RGS7: variants seen among roughly 807,000 people sequenced by gnomAD.
RGS7 encodes the protein regulator of G-protein signaling 7.
Under a neutral mutation model 81.1 loss-of-function variants are expected in RGS7, and 27 were observed. The observed-to-expected ratio is 0.33, with a 90% confidence interval of 0.25 to 0.46. The LOEUF is 0.46. RGS7 is among the 20% of genes least tolerant of loss of function. The probability of loss-of-function intolerance (pLI) is 1.00; values close to 1 mark genes in which losing one functional copy is unlikely to be tolerated. For missense variants in RGS7, 396 were observed against 607.4 expected (o/e 0.65, Z 3.66); for synonymous variants, 208 against 207.7 (o/e 1.00, Z -0.01).
At chr1:241,171,978 A>C (rs902177370) in intron 2 of RGS7, among the ~76,000 whole-genome samples, 1 of 152,230 alleles carries the variant, frequency 6.6e-6, no homozygotes, top group African/African-American at 2.4e-5. Context: ...TCTTCTTAAA[A>C]AATTCCACTT....
chr1:240,937,940 T>C (rs74499834), intron 4 of RGS7, among the ~76,000 whole-genome samples: 2,694 of 152,316 alleles, frequency 0.018, 80 homozygotes, highest in African/African-American at 0.06. Context: ...CTCATACTGT[T>C]TATAGCTGCC....
chr1:241,308,623 C>T (rs2080315944), intron 2 of RGS7, among the ~76,000 whole-genome samples: 1 of 152,150 alleles, frequency 6.6e-6, no homozygotes, highest in Admixed American at 6.6e-5. Context: ...CTGTCATGGC[C>T]TGGATACAAG....
intron 10 of RGS7, among the ~76,000 whole-genome samples, chr1:240,816,784 G>T (rs952681990): frequency 2.0e-5 from 3 of 152,110 alleles, no homozygotes; most frequent in African/African-American, 7.2e-5. Context: ...AATAGAATAG[G>T]AATGCAATAA....
chr1:241,099,003 A>C (rs897133471), intron 2 of RGS7, among the ~76,000 whole-genome samples: 4 of 152,196 alleles, frequency 2.6e-5, no homozygotes, highest in Admixed American at 2.0e-4. Flanking sequence ...TGCTTTGAAT[A>C]TTGCCTTTCT....
rs1397064640 is a variant in RGS7, at chr1:240,939,656, T to C, written c.227-2950A>G. Reference sequence around the variant, plus strand: ...AATTGTAGTTTCAGAAAGGGCTAGCTGGCCTATCTCTTCCTATATGCAGCA... The same window carrying C: ...AATTGTAGTTTCAGAAAGGGCTAGCCGGCCTATCTCTTCCTATATGCAGCA... On this transcript the variant is annotated intron_variant, in intron 4 of 18. Transcript: ENST00000440928. 2.0e-5 allele frequency among the ~76,000 whole-genome samples: 3 copies of C among 152,202 alleles called. No homozygotes were observed. In the East Asian group the frequency reaches 5.8e-4, roughly 29 times the overall value.
intron 2 of RGS7, among the ~76,000 whole-genome samples, chr1:241,273,790 A>C (rs2078052113): frequency 6.6e-6 from 1 of 152,182 alleles, no homozygotes; most frequent in African/African-American, 2.4e-5. Flanking sequence ...TCCTTAAAAA[A>C]AGTCCCTCAT....
intron 18 of RGS7, among the ~76,000 whole-genome samples, chr1:240,778,249 G>A (rs1174167050): frequency 3.3e-5 from 5 of 152,052 alleles, no homozygotes; most frequent in East Asian, 1.9e-4. Context: ...CATCACCCTT[G>A]AGATTAGGAT....
At chr1:241,264,634 G>T (rs1453662341) in intron 2 of RGS7, among the ~76,000 whole-genome samples, 1 of 152,214 alleles carries the variant, frequency 6.6e-6, no homozygotes, top group Non-Finnish European at 1.5e-5. Flanking sequence ...CCTCAGCTAT[G>T]AAATGAATGT....
At chr1:240,862,322 CATAAT>C (rs750249229) in intron 9 of RGS7, among the ~76,000 whole-genome samples, 23 of 152,200 alleles carry the variant, frequency 1.5e-4, no homozygotes, top group Non-Finnish European at 2.8e-4. Flanking sequence ...GTAAAATGCA[CATAAT>C]ATATCATATT....
chr1:241,021,245 G>T (rs1456278551), intron 3 of RGS7, among the ~76,000 whole-genome samples: 1 of 152,096 alleles, frequency 6.6e-6, no homozygotes, highest in Admixed American at 6.6e-5. Flanking sequence ...AAGCAGGTTT[G>T]CTGTTTTATT....
At chr1:240,968,220 G>A (rs1682644126) in intron 4 of RGS7, among the ~76,000 whole-genome samples, 1 of 152,192 alleles carries the variant, frequency 6.6e-6, no homozygotes, top group Non-Finnish European at 1.5e-5. Context: ...TGTCATGTTT[G>A]CTAAAACAAA....
At chr1:240,996,483 T>C (rs1687298564) in intron 3 of RGS7, among the ~76,000 whole-genome samples, 1 of 152,234 alleles carries the variant, frequency 6.6e-6, no homozygotes, top group Non-Finnish European at 1.5e-5. Flanking sequence ...ATCTCTCTTG[T>C]TAGATACATA....
intron 4 of RGS7, 84 bp downstream of exon 4, chr1:240,982,995 G>A (rs1218667346): frequency 2.7e-6 from 2 of 751,856 alleles, no homozygotes; most frequent in East Asian, 2.6e-5. Flanking sequence ...TTGCTTGCGT[G>A]CCATATTAAA....
intron 2 of RGS7, among the ~76,000 whole-genome samples, chr1:241,134,104 A>G (rs2067313949): frequency 6.6e-6 from 1 of 152,178 alleles, no homozygotes; most frequent in Non-Finnish European, 1.5e-5. Context: ...GCCACATGTG[A>G]CTGTTTAGAT....
chr1:240,892,231 CGT>C (rs1422028904), intron 6 of RGS7, among the ~76,000 whole-genome samples: 2 of 152,096 alleles, frequency 1.3e-5, no homozygotes, highest in Non-Finnish European at 2.9e-5. Flanking sequence ...CTAGTAATGA[CGT>C]GTCCTTTTAG....
intron 2 of RGS7, among the ~76,000 whole-genome samples, chr1:241,183,378 C>G (rs1455651670): frequency 2.0e-5 from 3 of 152,190 alleles, no homozygotes; most frequent in African/African-American, 7.2e-5. Flanking sequence ...TCTGAATAGG[C>G]AGGACTAGAA....
At chr1:240,994,376 T>C (rs1288424388) in intron 3 of RGS7, among the ~76,000 whole-genome samples, 1 of 152,214 alleles carries the variant, frequency 6.6e-6, no homozygotes, top group East Asian at 1.9e-4. Flanking sequence ...GTTTTCAGCA[T>C]ACAAGTCCTG....
intron 6 of RGS7, among the ~76,000 whole-genome samples, chr1:240,892,246 T>A (rs191301152): frequency 1.3e-5 from 2 of 152,208 alleles, no homozygotes; most frequent in Non-Finnish European, 2.9e-5. Flanking sequence ...CCTTTTAGAA[T>A]ATGAAATTAA....
At chr1:240,921,235 A>G (rs1673481161) in intron 6 of RGS7, among the ~76,000 whole-genome samples, 1 of 152,198 alleles carries the variant, frequency 6.6e-6, no homozygotes, top group Non-Finnish European at 1.5e-5. Context: ...AATATACTAA[A>G]TTGAATAATG....
Sources: allele counts gnomAD v4.1 joint callset (sites outside exome capture counted in the v4.1 genomes callset), GRCh38; gene constraint gnomAD v4.1.1; transcripts MANE v1.5; gene names NCBI Gene and HGNC (gene_info 2026-07-23, HGNC 2026-07-21).